The following PRKN variants were observed in gnomAD, a reference collection of about 807,000 sequenced individuals.
PRKN encodes the protein parkin RBR E3 ubiquitin protein ligase, also known as E3 ubiquitin-protein ligase parkin.
In PRKN, 56 loss-of-function variants were observed where a neutral mutation model predicts 59.5. That is an observed-to-expected ratio of 0.94 (90% confidence interval 0.76 to 1.18). The LOEUF (loss-of-function observed/expected upper bound fraction) is 1.18. Among genes scored for constraint, PRKN ranks in the 50% most tolerant of loss-of-function variants. The probability of loss-of-function intolerance (pLI) is 0.00; values close to 1 mark genes in which losing one functional copy is unlikely to be tolerated. For missense variants in PRKN, 657 were observed against 596.4 expected, an observed-to-expected ratio of 1.10 and a Z score of -1.06; for synonymous variants, 250 against 222.1, an observed-to-expected ratio of 1.13 and a Z score of -1.12.
chr6:161,624,660 C>T (rs958453414), intron 7 of PRKN, among the ~76,000 whole-genome samples: 1 of 152,340 alleles, frequency 6.6e-6, no homozygotes, highest in African/African-American at 2.4e-5. Context: ...CCATAGGAAT[C>T]GCATGCCTCT....
chr6:161,656,328 G>A (rs1026530319), intron 7 of PRKN, among the ~76,000 whole-genome samples: 43 of 152,134 alleles, frequency 2.8e-4, no homozygotes, highest in African/African-American at 1.2e-4. Context: ...GTTCCTCCCC[G>A]TCTTAGGCCC....
At chr6:161,817,034 A>G (rs914248639) in intron 6 of PRKN, among the ~76,000 whole-genome samples, 1 of 152,076 alleles carries the variant, frequency 6.6e-6, no homozygotes, top group Non-Finnish European at 1.5e-5. Context: ...ACACACACAT[A>G]AAGTTTTTGT....
intron 6 of PRKN, among the ~76,000 whole-genome samples, chr6:161,886,451 C>G (rs576910520): frequency 1.3e-5 from 2 of 152,124 alleles, no homozygotes; most frequent in African/African-American, 4.8e-5. Flanking sequence ...AATCCCAGCA[C>G]TATAGGAGGC....
At chr6:162,067,466 T>C (rs1428963860) in intron 4 of PRKN, among the ~76,000 whole-genome samples, 2 of 152,214 alleles carry the variant, frequency 1.3e-5, no homozygotes, top group East Asian at 1.9e-4. Context: ...AGTAAAATAT[T>C]ACTTATAATA....
chr6:162,104,919 C>T (rs1780126954), intron 4 of PRKN, among the ~76,000 whole-genome samples: 2 of 152,110 alleles, frequency 1.3e-5, no homozygotes, highest in South Asian at 4.2e-4. Flanking sequence ...AGGATATTTT[C>T]CTGGGCAATA....
intron 5 of PRKN, among the ~76,000 whole-genome samples, chr6:162,033,227 T>G (rs554836575): frequency 1.3e-5 from 2 of 152,348 alleles, no homozygotes; most frequent in Admixed American, 6.5e-5. Flanking sequence ...TGACTGGCTT[T>G]CACCCTTCTG....
At chr6:162,718,053 G>A (rs1452434450) in intron 1 of PRKN, among the ~76,000 whole-genome samples, 1 of 152,074 alleles carries the variant, frequency 6.6e-6, no homozygotes, top group Non-Finnish European at 1.5e-5. Flanking sequence ...TATACAAATG[G>A]CCCCTAATGC....
intron 1 of PRKN, among the ~76,000 whole-genome samples, chr6:162,628,059 C>T (rs1378775272): frequency 6.6e-6 from 1 of 152,030 alleles, no homozygotes; most frequent in Admixed American, 6.6e-5. Flanking sequence ...AGGACTATAA[C>T]AGTCTTTAGA....
intron 7 of PRKN, among the ~76,000 whole-genome samples, chr6:161,620,846 G>A (rs1782870058): frequency 6.6e-6 from 1 of 152,186 alleles, no homozygotes; most frequent in African/African-American, 2.4e-5. Context: ...TTGGTTTACA[G>A]AGAAGTTTCC....
intron 3 of PRKN, among the ~76,000 whole-genome samples, chr6:162,248,843 G>A (rs896902285): frequency 1.3e-5 from 2 of 151,662 alleles, no homozygotes; most frequent in African/African-American, 4.8e-5. Flanking sequence ...TTCTTCATCA[G>A]TATCACTTTG....
chr6:162,474,852 C>A (rs1791924351), intron 1 of PRKN, among the ~76,000 whole-genome samples: 1 of 152,076 alleles, frequency 6.6e-6, no homozygotes, highest in South Asian at 2.1e-4. Context: ...GGGGTATAGG[C>A]AGGCCTGATA....
chr6:161,506,538 T>C (rs888913975), intron 9 of PRKN, among the ~76,000 whole-genome samples: 1 of 152,122 alleles, frequency 6.6e-6, no homozygotes, highest in Non-Finnish European at 1.5e-5. Flanking sequence ...GCTGAAAAAT[T>C]TGTTGCCTAT....
At chr6:161,537,626 TG>T (rs1264794804) in intron 9 of PRKN, among the ~76,000 whole-genome samples, 1 of 152,092 alleles carries the variant, frequency 6.6e-6, no homozygotes, top group African/African-American at 2.4e-5. Context: ...TAATTTTTTG[TG>T]TTTTTAGTAG....
intron 2 of PRKN, among the ~76,000 whole-genome samples, chr6:162,294,563 C>G (rs1781578820): frequency 6.6e-6 from 1 of 152,078 alleles, no homozygotes; most frequent in South Asian, 2.1e-4. Context: ...AAATCACAGA[C>G]CCTGCTGAAA....
chr6:162,030,373 G>T (rs1562471773), intron 5 of PRKN, among the ~76,000 whole-genome samples: 1 of 152,188 alleles, frequency 6.6e-6, no homozygotes, highest in Non-Finnish European at 1.5e-5. Flanking sequence ...TTACTGGAAA[G>T]ATCTCAGAAA....
chr6:161,440,742 T>C lies in PRKN; in HGVS notation c.1084-53865A>G, dbSNP rs986794820. On this transcript the variant is annotated intron_variant, in intron 9 of 11. Transcript: ENST00000366898. The surrounding 1 kb of genome is among the most constrained non-coding windows in gnomAD (Gnocchi z 4.1). Reference sequence around the variant, plus strand: ...CCCAAGAGATATTTCCAATGCCACCTGAAGGTCCTGAGAGCTCCCTGACAT... The same window carrying C: ...CCCAAGAGATATTTCCAATGCCACCCGAAGGTCCTGAGAGCTCCCTGACAT... Among the ~76,000 whole-genome samples the C allele has an allele frequency of 3.3e-5, 5 of 152,214 alleles. No individual in the cohort carries two copies. The highest frequency in any genetic ancestry group is 7.3e-5 in the Non-Finnish European group (5 of 68,036).
Position 162,126,174 on chromosome 6 carries a change from T to C in PRKN, c.535-72000A>G, listed in dbSNP as rs563812072. 2.6e-5 allele frequency among the ~76,000 whole-genome samples: 4 copies of C among 152,318 alleles called. No individual in the cohort carries two copies. In the East Asian group the frequency reaches 7.7e-4, roughly 29 times the overall value. The stretch of plus-strand genomic sequence containing the variant: ...AGGAAGAAACAATGGCTGTGCTATA[T>C]GCATGCTTATCACTGCAGAAACAAA... On this transcript the variant is annotated intron_variant, in intron 4 of 11. Coordinates refer to ENST00000366898, the MANE Select transcript of PRKN (RefSeq NM_004562.3).
At chr6:161,568,686 T>C (rs1780746626) in intron 8 of PRKN, among the ~76,000 whole-genome samples, 1 of 152,220 alleles carries the variant, frequency 6.6e-6, no homozygotes, top group South Asian at 2.1e-4. Context: ...ACTTGACACC[T>C]AGATTTAACA....
rs371805110 is a variant in PRKN, at chr6:161,673,222, C to T, written c.872-103806G>A. Among the ~76,000 whole-genome samples the T allele has an allele frequency of 5.9e-5, 9 of 152,294 alleles. No homozygotes were observed. In the East Asian group the frequency reaches 9.6e-4, roughly 16 times the overall value. Reference sequence around the variant, plus strand: ...GGCAAGACAGAGCCCACCATGCACACCGCAGGAGACAAACATGGAAACCCA... The same window carrying T: ...GGCAAGACAGAGCCCACCATGCACATCGCAGGAGACAAACATGGAAACCCA... On this transcript the variant is annotated intron_variant, in intron 7 of 11. Transcript: ENST00000366898.
Sources: gnomAD v4.1 joint callset for allele counts (sites outside exome capture counted in the v4.1 genomes callset) on GRCh38, gnomAD v4.1.1 for gene constraint, Gnocchi (gnomAD v3.1) non-coding constraint, MANE v1.5 for transcripts, NCBI Gene and HGNC (gene_info 2026-07-23, HGNC 2026-07-21) for gene names.